Variants in NME7 observed in about 807,000 individuals in gnomAD.
The protein encoded by NME7 is nucleoside diphosphate kinase 7.
NME7 carries 41 observed loss-of-function variants against 49.1 expected under a neutral mutation model. The ratio of observed to expected loss-of-function variants is 0.83; its 90% confidence interval spans 0.65 to 1.08. The LOEUF is 1.08. Ranked by LOEUF, NME7 falls within the 50% of genes least tolerant of loss-of-function variation. The pLI is 0.00. For synonymous variants in NME7, 139 were observed against 150.6 expected (o/e 0.92, Z 0.56); for missense variants, 423 against 463.4 (o/e 0.91, Z 0.80).
Position 169,361,289 on chromosome 1 carries a change from T to G in NME7, c.3+6419A>C, listed in dbSNP as rs73036841. ...TTCTCCAAATACCACTGTTTCCTACTAAACAAGAATATAACAGGCTCTAAA... is the reference window on the plus strand; with the variant it reads ...TTCTCCAAATACCACTGTTTCCTACGAAACAAGAATATAACAGGCTCTAAA... On this transcript the variant is annotated intron_variant, in intron 1 of 11. Coordinates refer to ENST00000367811, the MANE Select transcript of NME7 (RefSeq NM_013330.5). Among the ~76,000 whole-genome samples, 521 of 152,328 alleles carry G rather than the reference T, an allele frequency of 3.4e-3. 3 individuals carry two copies. The highest frequency in any genetic ancestry group is 0.02 in the Middle Eastern group (6 of 294).
At position 169,303,160 on chromosome 1, in the gene NME7, G is replaced by C. The variant is rs1289982570; in HGVS notation, c.425C>G (p.Ser142Ter). The C allele has an allele frequency of 1.9e-6, 3 of 1,569,904 alleles. No individual in the cohort carries two copies. The highest frequency in any genetic ancestry group is 2.6e-6 in the Non-Finnish European group (3 of 1,152,660). The change falls in exon 5 of 12, where the codon TCA becomes TGA. Residue 142 changes from serine (S) to a stop codon, truncating the protein, a stop_gained. Coordinates refer to ENST00000367811, the MANE Select transcript of NME7 (RefSeq NM_013330.5). LOFTEE classifies it high-confidence loss of function. ...EALDFHVDHQ[S>*]RPFFNELIQF... ...AAGGACCTACTTGAAAAAGGGTCTT[G>C]ACTGGTGATCTACATGAAAATCCAA...
At chr1:169,200,079 A>C (rs1660503760) in intron 10 of NME7, among the ~76,000 whole-genome samples, 1 of 152,016 alleles carries the variant, frequency 6.6e-6, no homozygotes, top group Non-Finnish European at 1.5e-5. Flanking sequence ...CAAACTCCAG[A>C]AAGTAAAAAA....
At chr1:169,325,735 AATG>A (rs1299831243) in intron 1 of NME7, among the ~76,000 whole-genome samples, 1 of 152,166 alleles carries the variant, frequency 6.6e-6, no homozygotes, top group African/African-American at 2.4e-5. Context: ...TTGTGTGTCT[AATG>A]ATGTTTATAA....
At chr1:169,308,047 C>T (rs1651245550) in intron 4 of NME7, among the ~76,000 whole-genome samples, 1 of 151,222 alleles carries the variant, frequency 6.6e-6, no homozygotes, top group Non-Finnish European at 1.5e-5. Context: ...TCCCATTTTG[C>T]AAATGAAGAA....
intron 10 of NME7, among the ~76,000 whole-genome samples, chr1:169,198,403 TAC>T (rs1361605815): frequency 2.6e-5 from 4 of 152,062 alleles, no homozygotes; most frequent in Non-Finnish European, 5.9e-5. Flanking sequence ...CAAAAACTTG[TAC>T]ACAGTGTTTA....
intron 1 of NME7, among the ~76,000 whole-genome samples, chr1:169,353,065 TAA>T (rs34340382): frequency 0.24 from 37,034 of 151,632 alleles, 5,619 homozygotes; most frequent in Non-Finnish European, 0.35. Context: ...CTAAAATTTA[TAA>T]AAGACTCAGA....
chr1:169,269,320 A>G (rs3766084), intron 7 of NME7, among the ~76,000 whole-genome samples: 11,928 of 133,600 alleles, frequency 0.089, 3,226 homozygotes, highest in East Asian at 0.75. Flanking sequence ...ATAAAATTCC[A>G]TCCAACTGTT....
intron 6 of NME7, among the ~76,000 whole-genome samples, chr1:169,291,995 G>A (rs1650526041): frequency 6.6e-6 from 1 of 152,050 alleles, no homozygotes; most frequent in African/African-American, 2.4e-5. Flanking sequence ...TCTGAGGTAT[G>A]CTTGTAGATG....
At chr1:169,298,117 A>C (rs1412528221) in intron 6 of NME7, among the ~76,000 whole-genome samples, 1 of 152,208 alleles carries the variant, frequency 6.6e-6, no homozygotes, top group African/African-American at 2.4e-5. Flanking sequence ...AGGAGTAGAG[A>C]AACTTTCATA....
chr1:169,305,531 C>T (rs1164540312), intron 4 of NME7, among the ~76,000 whole-genome samples: 1 of 152,280 alleles, frequency 6.6e-6, no homozygotes, highest in African/African-American at 2.4e-5. Flanking sequence ...CTTGTCTTAT[C>T]GGGTATGCCA....
At chr1:169,317,303 G>A (rs1357290263) in intron 3 of NME7, among the ~76,000 whole-genome samples, 4 of 152,098 alleles carry the variant, frequency 2.6e-5, no homozygotes, top group African/African-American at 9.7e-5. Flanking sequence ...AACTGACCAA[G>A]GACCATATGA....
chr1:169,300,881 T>C (rs1016561675), intron 5 of NME7, among the ~76,000 whole-genome samples: 1 of 152,124 alleles, frequency 6.6e-6, no homozygotes, highest in African/African-American at 2.4e-5. Context: ...TGTCTAGCCA[T>C]AAGCAGAAGA....
At chr1:169,336,730 T>A (rs1208954471) in intron 1 of NME7, among the ~76,000 whole-genome samples, 1 of 151,726 alleles carries the variant, frequency 6.6e-6, no homozygotes, top group African/African-American at 2.4e-5. Flanking sequence ...ATACAGAGTG[T>A]CCATTGGTGC....
intron 11 of NME7, among the ~76,000 whole-genome samples, chr1:169,142,769 A>G (rs1658634462): frequency 6.6e-6 from 1 of 152,200 alleles, no homozygotes. Context: ...AAAGGGGTTT[A>G]GAGGAGGGCC....
At chr1:169,141,791 G>A (rs1347801782) in intron 11 of NME7, among the ~76,000 whole-genome samples, 1 of 152,004 alleles carries the variant, frequency 6.6e-6, no homozygotes, top group Non-Finnish European at 1.5e-5. Flanking sequence ...AAGTGAAAAA[G>A]CTCTTAGATT....
At chr1:169,251,847 G>A (rs1223095900) in intron 7 of NME7, among the ~76,000 whole-genome samples, 1 of 151,580 alleles carries the variant, frequency 6.6e-6, no homozygotes, top group Non-Finnish European at 1.5e-5. Flanking sequence ...TACTGAGAAT[G>A]ATGTTTTCCA....
intron 10 of NME7, among the ~76,000 whole-genome samples, chr1:169,191,347 T>C (rs927434828): frequency 3.3e-5 from 5 of 152,210 alleles, no homozygotes; most frequent in African/African-American, 1.2e-4. Context: ...TGTTGATAAC[T>C]ATTATTGCTC....
At chr1:169,208,469 G>A (rs1660730841) in intron 10 of NME7, among the ~76,000 whole-genome samples, 1 of 152,192 alleles carries the variant, frequency 6.6e-6, no homozygotes, top group South Asian at 2.1e-4. Context: ...ACCTTTAGAA[G>A]CCTTTTGAAG....
chr1:169,225,349 T>C (rs1288952654), intron 10 of NME7, among the ~76,000 whole-genome samples: 1 of 152,212 alleles, frequency 6.6e-6, no homozygotes, highest in Admixed American at 6.5e-5. Flanking sequence ...CCTCAAGTGA[T>C]CTGCCTACCT....
Sources: gnomAD v4.1 joint callset for allele counts (sites outside exome capture counted in the v4.1 genomes callset) on GRCh38, gnomAD v4.1.1 for gene constraint, MANE v1.5 for transcripts, NCBI Gene and HGNC (gene_info 2026-07-23, HGNC 2026-07-21) for gene names.